Variants in HOTAIR observed in about 807,000 individuals in gnomAD.
The protein encoded by HOTAIR is HOX transcript antisense RNA.
chr12:53,967,076 G>A (rs1306260946), intron 3 of HOTAIR, among the ~76,000 whole-genome samples: 2 of 152,190 alleles, frequency 1.3e-5, no homozygotes, highest in Non-Finnish European at 2.9e-5. Context: ...CTGGGCTCAT[G>A]GAGACATTTT....
chr12:53,973,649 C>T lies in HOTAIR; in HGVS notation n.59+1249G>A. 1 of 1,613,780 alleles carries T rather than the reference C, an allele frequency of 6.2e-7. No homozygotes were observed. Among genetic ancestry groups the T allele is most frequent in the Non-Finnish European group, 8.5e-7 (1 of 1,180,030 alleles). On this transcript the variant is annotated intron_variant and non_coding_transcript_variant, in intron 1 of 6. Transcript: ENST00000424518. This position sits in a 1 kb window ranked among gnomAD's most constrained non-coding sequence, Gnocchi z 4.3. ...GCGCCCCGCACGCAACCCCCGCCGG[C>T]TTCTACTCCTCAGTCAACAAGAACA... is the stretch of plus-strand genomic sequence containing the variant.
intron 5 of HOTAIR, among the ~76,000 whole-genome samples, chr12:53,964,846 C>T (rs1053031404): frequency 2.8e-5 from 4 of 144,962 alleles, no homozygotes; most frequent in Non-Finnish European, 4.7e-5. Flanking sequence ...TACTCAAGAA[C>T]GCACAAGAGA....
Position 53,973,551 on chromosome 12 carries a change from T to A in HOTAIR, n.59+1347A>T, listed in dbSNP as rs1316045318. On this transcript the variant is annotated intron_variant and non_coding_transcript_variant, in intron 1 of 6. Coordinates refer to ENST00000424518, the Ensembl canonical transcript of HOTAIR. This position sits in a 1 kb window ranked among gnomAD's most constrained non-coding sequence, Gnocchi z 4.3. ...GGCCGACGAGCTTATGCACCGGGAG[T>A]GCCTGCCTCCTTCCACCGTCACCGA... The A allele has an allele frequency of 4.3e-6, 7 of 1,611,018 alleles. No homozygotes were observed. The African/African-American group carries it at 9.4e-5, about 22-fold the overall frequency.
exon 7 of HOTAIR, chr12:53,963,646 C>T (rs909862812): frequency 3.3e-5 from 5 of 152,384 alleles, no homozygotes; most frequent in East Asian, 1.9e-4. Flanking sequence ...AGGTGCTTGG[C>T]CAGCTCTCTG....
rs367629889 is a variant in HOTAIR, at chr12:53,973,405, C to G, written n.59+1493G>C. On this transcript the variant is annotated intron_variant and non_coding_transcript_variant, in intron 1 of 6. Transcript: ENST00000424518. This position sits in a 1 kb window ranked among gnomAD's most constrained non-coding sequence, Gnocchi z 4.3. ...GTCTCCTCCTTCCTGCCCCAGGCCC[C>G]CTCTCGTCAGATCTCCTATCCCTAC... is the stretch of plus-strand genomic sequence containing the variant. 4.3e-6 allele frequency: 7 copies of G among 1,614,228 alleles called. No homozygotes were observed. Among genetic ancestry groups the G allele is most frequent in the Non-Finnish European group, 5.9e-6 (7 of 1,180,050 alleles).
In HOTAIR at chr12:53,973,532, C is replaced by G; in HGVS notation, n.59+1366G>C. On this transcript the variant is annotated intron_variant and non_coding_transcript_variant, in intron 1 of 6. Coordinates refer to ENST00000424518, the Ensembl canonical transcript of HOTAIR. This position sits in a 1 kb window ranked among gnomAD's most constrained non-coding sequence, Gnocchi z 4.3. ...ACTCCTCCTGCTATGCGGCGGCCGA[C>G]GAGCTTATGCACCGGGAGTGCCTGC... 2.5e-6 allele frequency: 4 copies of G among 1,613,656 alleles called. No homozygotes were observed. Among genetic ancestry groups the G allele is most frequent in the Non-Finnish European group, 1.7e-6 (2 of 1,180,004 alleles).
chr12:53,974,223 G>T (rs533119724), intron 1 of HOTAIR, among the ~76,000 whole-genome samples: 2 of 151,902 alleles, frequency 1.3e-5, no homozygotes, highest in African/African-American at 4.8e-5. Context: ...TTTTAAAAGC[G>T]CAACCATTGC....
chr12:53,965,725 A>G (rs1055048997), intron 5 of HOTAIR, among the ~76,000 whole-genome samples: 3 of 152,136 alleles, frequency 2.0e-5, no homozygotes, highest in African/African-American at 7.2e-5. Flanking sequence ...GGGCAGGAAG[A>G]ACAGCAGGAG....
chr12:53,970,044 G>T (rs866452893), intron 1 of HOTAIR, among the ~76,000 whole-genome samples: 54 of 152,388 alleles, frequency 3.5e-4, no homozygotes, highest in Admixed American at 8.5e-4. Context: ...GGGTGCTGGA[G>T]TCTGCCTTAA....
At chr12:53,972,974 A>T (rs1359126490) in intron 1 of HOTAIR, among the ~76,000 whole-genome samples, 2 of 151,924 alleles carry the variant, frequency 1.3e-5, no homozygotes, top group African/African-American at 4.8e-5. Flanking sequence ...ACGAGAGAAA[A>T]ACGAATACAA....
chr12:53,964,722 T>C (rs914960929), intron 5 of HOTAIR, among the ~76,000 whole-genome samples: 15 of 152,174 alleles, frequency 9.9e-5, no homozygotes, highest in African/African-American at 2.2e-4. Context: ...CAGGGGTGTA[T>C]GGGATGTAGA....
chr12:53,973,259 C>A lies in HOTAIR; in HGVS notation n.59+1639G>T. ...GGAGAACGATGTTTAACTCGGTCAACCTGGGCAACTTCTGCTCTCCGTCGC... is the reference window on the plus strand; with the variant it reads ...GGAGAACGATGTTTAACTCGGTCAAACTGGGCAACTTCTGCTCTCCGTCGC... On this transcript the variant is annotated intron_variant and non_coding_transcript_variant, in intron 1 of 6. Transcript: ENST00000424518. The surrounding 1 kb of genome is among the most constrained non-coding windows in gnomAD (Gnocchi z 4.3). 1 of 1,607,664 alleles carries A rather than the reference C, an allele frequency of 6.2e-7. No homozygotes were observed. The highest frequency in any genetic ancestry group is 8.5e-7 in the Non-Finnish European group (1 of 1,177,754).
chr12:53,973,820 TGAGGCGGGTGCCGAGGCG>T lies in HOTAIR; in HGVS notation n.59+1060_59+1077del. ...CGGCCTCGGGACTGGCGTCCCGGGC[TGAGGCGGGTGCCGAGGCG>T]GAGGCTGAGGAGGAGAACACAAATC... On this transcript the variant is annotated intron_variant and non_coding_transcript_variant, in intron 1 of 6. Coordinates refer to ENST00000424518, the Ensembl canonical transcript of HOTAIR. This position sits in a 1 kb window ranked among gnomAD's most constrained non-coding sequence, Gnocchi z 4.3. 2.7e-6 allele frequency: 4 copies of T among 1,467,642 alleles called. No individual in the cohort carries two copies. The South Asian group carries it at 5.0e-5, about 18-fold the overall frequency. The allele number at this position is 1,467,642 out of a possible 1,614,324, so 90.9% of individuals were successfully genotyped here. A position where few individuals can be genotyped will look rare whatever the true frequency, so the allele number is the denominator to read the frequency against.
intron 5 of HOTAIR, chr12:53,964,311 G>C (rs1422813015): frequency 2.0e-5 from 3 of 152,094 alleles, no homozygotes; most frequent in Non-Finnish European, 1.5e-5. Flanking sequence ...GATATTAAAG[G>C]GCAGGAGGGA....
chr12:53,963,589 GT>G (rs1938994053), exon 7 of HOTAIR: 1 of 152,298 alleles, frequency 6.6e-6, no homozygotes, highest in African/African-American at 2.4e-5. Context: ...GCGCCTCCCA[GT>G]CCCCCCACCG....
chr12:53,964,697 C>T (rs1055478481), intron 5 of HOTAIR, among the ~76,000 whole-genome samples: 8 of 152,094 alleles, frequency 5.3e-5, no homozygotes, highest in Admixed American at 3.9e-4. Context: ...GATGTCTGTG[C>T]AGAGGAGGAG....
chr12:53,969,647 T>C (rs1432836707), intron 1 of HOTAIR, among the ~76,000 whole-genome samples: 2 of 152,204 alleles, frequency 1.3e-5, no homozygotes, highest in African/African-American at 4.8e-5. Flanking sequence ...GAGAGAAATA[T>C]AGGCAAGAAG....
intron 1 of HOTAIR, among the ~76,000 whole-genome samples, chr12:53,972,896 C>T (rs1186444672): frequency 6.6e-6 from 1 of 151,300 alleles, no homozygotes; most frequent in Non-Finnish European, 1.5e-5. Context: ...GCCCATCCCA[C>T]CGCCCACCCC....
At position 53,973,504 on chromosome 12, in the gene HOTAIR, G is replaced by A; in HGVS notation, n.59+1394C>T. 2 of 1,614,032 alleles carry A rather than the reference G, an allele frequency of 1.2e-6. No individual in the cohort carries two copies. The highest frequency in any genetic ancestry group is 1.7e-6 in the Non-Finnish European group (2 of 1,180,028). The stretch of plus-strand genomic sequence containing the variant: ...TCCGGCAAGTGGCACCATCGGAACA[G>A]CTACTCCTCCTGCTATGCGGCGGCC... On this transcript the variant is annotated intron_variant and non_coding_transcript_variant, in intron 1 of 6. Coordinates refer to ENST00000424518, the Ensembl canonical transcript of HOTAIR. The surrounding 1 kb of genome is among the most constrained non-coding windows in gnomAD (Gnocchi z 4.3).
Sources: gnomAD v4.1 joint callset for allele counts (sites outside exome capture counted in the v4.1 genomes callset) on GRCh38, gnomAD v4.1.1 for gene constraint, Gnocchi (gnomAD v3.1) non-coding constraint, MANE v1.5 for transcripts, NCBI Gene and HGNC (gene_info 2026-07-23, HGNC 2026-07-21) for gene names.